ETV1: variants seen among roughly 807,000 people sequenced by gnomAD.
ETV1 encodes ETS translocation variant 1.
Under a neutral mutation model 62.3 loss-of-function variants are expected in ETV1, and 27 were observed. That is an observed-to-expected ratio of 0.43 (90% confidence interval 0.32 to 0.60). The LOEUF (loss-of-function observed/expected upper bound fraction) is 0.60. ETV1 is among the 20% of genes least tolerant of loss of function. The pLI, the probability that ETV1 is intolerant of heterozygous loss-of-function variation, is 0.06. For missense variants in ETV1, 605 were observed against 605.8 expected (o/e 1.00, Z 0.01); for synonymous variants, 222 against 199.6 (o/e 1.11, Z -0.94).
intron 6 of ETV1, among the ~76,000 whole-genome samples, chr7:13,974,712 A>G (rs1457153639): frequency 1.3e-5 from 2 of 152,282 alleles, no homozygotes; most frequent in African/African-American, 4.8e-5. Context: ...AAGGATAAAT[A>G]TCAGGATTTC....
At chr7:13,905,803 G>T (rs1782895763) in intron 12 of ETV1, among the ~76,000 whole-genome samples, 3 of 152,154 alleles carry the variant, frequency 2.0e-5, no homozygotes. Flanking sequence ...GAGTATGCCA[G>T]TCCAGCTGAC....
intron 3 of ETV1, 61 bp from the exon 4 acceptor site, chr7:13,988,234 A>T: frequency 1.1e-6 from 1 of 872,984 alleles, no homozygotes; most frequent in Non-Finnish European, 1.9e-6. Context: ...ACACACGCAC[A>T]CGCGCGCGCA....
At chr7:13,970,587 T>C (rs1414327549) in intron 6 of ETV1, among the ~76,000 whole-genome samples, 1 of 152,186 alleles carries the variant, frequency 6.6e-6, no homozygotes, top group Non-Finnish European at 1.5e-5. Flanking sequence ...TGTGCTCTCA[T>C]TTTGGTAAAA....
intron 6 of ETV1, among the ~76,000 whole-genome samples, chr7:13,970,363 C>A (rs1780777327): frequency 6.6e-6 from 1 of 151,136 alleles, no homozygotes; most frequent in South Asian, 2.1e-4. Context: ...AAAAGAAACT[C>A]AGAACCATCA....
chr7:13,900,712 A>T, intron 13 of ETV1, 26 bp downstream of exon 13: 2 of 1,458,136 alleles, frequency 1.4e-6, no homozygotes, highest in Middle Eastern at 3.5e-4. Flanking sequence ...ATTTCAATGA[A>T]TTTTAATGCT....
intron 6 of ETV1, among the ~76,000 whole-genome samples, chr7:13,961,024 G>A (rs938297237): frequency 2.8e-4 from 42 of 151,968 alleles, no homozygotes; most frequent in African/African-American, 1.0e-3. Context: ...AGCGCACACC[G>A]GAGTCCCAGC....
intron 6 of ETV1, among the ~76,000 whole-genome samples, chr7:13,941,275 G>C (rs534063704): frequency 6.7e-4 from 102 of 152,254 alleles, no homozygotes; most frequent in African/African-American, 2.3e-3. Flanking sequence ...CTAGCTATTA[G>C]ATAATTTAAT....
In ETV1 at chr7:13,988,556, C is replaced by T. The variant is rs1181187657; in HGVS notation, c.46-383G>A. 19 of 794,506 alleles carry T rather than the reference C, an allele frequency of 2.4e-5. 1 individual carries two copies. In the Admixed American group the frequency reaches 2.9e-4, roughly 12 times the overall value. 49.2% of individuals were successfully genotyped at this position (794,506 alleles called of 1,614,324 possible). ...CTTGGACAGCCCCTCCTCCCCACCCCACCCCCACAAAAAAAAAAAGCAAAA... is the reference window on the plus strand; with the variant it reads ...CTTGGACAGCCCCTCCTCCCCACCCTACCCCCACAAAAAAAAAAAGCAAAA... On this transcript the variant is annotated intron_variant, in intron 3 of 13. Transcript: ENST00000430479.
intron 6 of ETV1, among the ~76,000 whole-genome samples, chr7:13,973,713 T>C (rs1781128868): frequency 6.6e-6 from 1 of 152,164 alleles, no homozygotes; most frequent in Non-Finnish European, 1.5e-5. Flanking sequence ...AAAATTATTG[T>C]GTGTCTTATT....
chr7:13,925,163 T>G (rs537181282), intron 9 of ETV1, among the ~76,000 whole-genome samples: 145 of 152,296 alleles, frequency 9.5e-4, no homozygotes, highest in Non-Finnish European at 1.9e-3. Flanking sequence ...AAGTTCTTCT[T>G]TCCCTCTCTT....
intron 6 of ETV1, among the ~76,000 whole-genome samples, chr7:13,949,965 T>C (rs2128470827): frequency 6.6e-6 from 1 of 152,286 alleles, no homozygotes; most frequent in Admixed American, 6.5e-5. Context: ...AGGAGTATTG[T>C]CAGTCTGCAG....
At chr7:13,950,899 A>AACACACACACACACACAC (rs67539493) in intron 6 of ETV1, among the ~76,000 whole-genome samples, 12 of 138,912 alleles carry the variant, frequency 8.6e-5, no homozygotes, top group African/African-American at 3.1e-4. Flanking sequence ...CTTCTCTAGG[A>AACACACACACACACACAC]ACACACACAC....
At chr7:13,987,349 G>A (rs1326279222) in intron 4 of ETV1, among the ~76,000 whole-genome samples, 2 of 151,990 alleles carry the variant, frequency 1.3e-5, no homozygotes, top group Non-Finnish European at 2.9e-5. Flanking sequence ...AAGATTTGAG[G>A]AAGTTTCAGA....
intron 6 of ETV1, among the ~76,000 whole-genome samples, chr7:13,948,257 A>G (rs1788399433): frequency 4.6e-5 from 7 of 152,212 alleles, no homozygotes. Context: ...TACAGTGATA[A>G]GTTGTCTTGG....
At chr7:13,910,723 A>G (rs1783476313) in intron 10 of ETV1, among the ~76,000 whole-genome samples, 1 of 152,202 alleles carries the variant, frequency 6.6e-6, no homozygotes, top group Non-Finnish European at 1.5e-5. Context: ...TTTACAGGCA[A>G]AGCTTTCCTA....
chr7:13,989,691 T>TC, upstream of ETV1: 1 of 398,638 alleles, frequency 2.5e-6, no homozygotes. Flanking sequence ...CGGTGGTTTT[T>TC]CCTCTACTTC....
intron 12 of ETV1, 143 bp from the exon 13 acceptor site, chr7:13,900,982 T>A (rs2128406645): frequency 1.9e-6 from 1 of 523,102 alleles, no homozygotes; most frequent in East Asian, 3.2e-5. Context: ...TATCGTAATC[T>A]GGATTTCCTG....
intron 6 of ETV1, among the ~76,000 whole-genome samples, chr7:13,949,379 T>G (rs563290888): frequency 6.6e-6 from 1 of 152,300 alleles, no homozygotes; most frequent in East Asian, 1.9e-4. Flanking sequence ...TGACCTCAAT[T>G]AGTGCTCAGT....
Position 13,893,975 on chromosome 7 carries a change from A to G in ETV1, c.*1891T>C, listed in dbSNP as rs2128396733. On this transcript the variant is annotated 3_prime_UTR_variant, in exon 14 of 14. Coordinates refer to ENST00000430479, the MANE Select transcript of ETV1 (RefSeq NM_004956.5). ...ATTGGAGTACTTTTTGTAGGATTAAATGTGAAGAGTAGCAATTTTGGTGTT... is the reference window on the plus strand; with the variant it reads ...ATTGGAGTACTTTTTGTAGGATTAAGTGTGAAGAGTAGCAATTTTGGTGTT... The G allele has an allele frequency of 4.3e-6, 1 of 233,100 alleles. No homozygotes were observed. The highest frequency in any genetic ancestry group is 1.8e-4 in the South Asian group (1 of 5,522). The allele number at this position is 233,100 out of a possible 1,614,324, so 14.4% of individuals were successfully genotyped here. A position where few individuals can be genotyped will look rare whatever the true frequency, so the allele number is the denominator to read the frequency against.
Sources: allele counts gnomAD v4.1 joint callset (sites outside exome capture counted in the v4.1 genomes callset), GRCh38; gene constraint gnomAD v4.1.1; transcripts MANE v1.5; gene names NCBI Gene and HGNC (gene_info 2026-07-23, HGNC 2026-07-21).